Variants in GRB14 observed in about 807,000 individuals in gnomAD.
The protein encoded by GRB14 is growth factor receptor-bound protein 14.
In GRB14, 38 loss-of-function variants were observed where a neutral mutation model predicts 69.1. The ratio of observed to expected loss-of-function variants is 0.55; its 90% CI spans 0.42 to 0.72. The LOEUF (loss-of-function observed/expected upper bound fraction) is 0.72, where lower values mean the gene tolerates loss of function less well. Among genes scored for constraint, GRB14 ranks in the 30% least tolerant of loss-of-function variants. The pLI is 0.00. For synonymous variants in GRB14, 247 were observed against 241.3 expected (o/e 1.02, Z -0.22); for missense variants, 666 against 666.1 (o/e 1.00, Z 0.00).
intron 2 of GRB14, among the ~76,000 whole-genome samples, chr2:164,579,739 C>A (rs1689349732): frequency 6.6e-6 from 1 of 151,958 alleles, no homozygotes; most frequent in Non-Finnish European, 1.5e-5. Context: ...AAGAAAATGA[C>A]CTTATTGGAG....
At chr2:164,513,807 T>A (rs1358912270) in intron 6 of GRB14, among the ~76,000 whole-genome samples, 1 of 152,210 alleles carries the variant, frequency 6.6e-6, no homozygotes, top group Non-Finnish European at 1.5e-5. Context: ...AGCAACAGTG[T>A]TGTCATTGAC....
chr2:164,612,354 A>AT (rs1690188156), intron 2 of GRB14, among the ~76,000 whole-genome samples: 2 of 152,202 alleles, frequency 1.3e-5, no homozygotes, highest in Admixed American at 6.5e-5. Context: ...ATTTGTGTTT[A>AT]TTTTTTCTGT....
chr2:164,573,425 C>G (rs1689166162), intron 2 of GRB14, among the ~76,000 whole-genome samples: 1 of 152,166 alleles, frequency 6.6e-6, no homozygotes, highest in Non-Finnish European at 1.5e-5. Flanking sequence ...TGTAGATATT[C>G]TTTCACTATC....
intron 3 of GRB14, among the ~76,000 whole-genome samples, chr2:164,539,303 C>T (rs1206362548): frequency 6.6e-6 from 1 of 151,926 alleles, no homozygotes; most frequent in Admixed American, 6.6e-5. Flanking sequence ...AGTGAAACCC[C>T]ATCTCTACTA....
chr2:164,522,952 C>T (rs1186528846), intron 5 of GRB14, among the ~76,000 whole-genome samples: 2 of 151,988 alleles, frequency 1.3e-5, no homozygotes, highest in African/African-American at 4.8e-5. Context: ...CCCTTGGAAT[C>T]CAGCTGTCAC....
intron 7 of GRB14, 74 bp downstream of exon 7, chr2:164,508,668 A>T: frequency 6.9e-7 from 1 of 1,441,724 alleles, no homozygotes; most frequent in South Asian, 1.2e-5. Flanking sequence ...TTTCAAAAGC[A>T]ATTAAAGGAA....
At chr2:164,560,664 G>T (rs190374455) in intron 2 of GRB14, among the ~76,000 whole-genome samples, 2 of 152,002 alleles carry the variant, frequency 1.3e-5, no homozygotes, top group East Asian at 1.9e-4. Context: ...TGGAGTTTTC[G>T]CTGGGATTTC....
At chr2:164,530,285 C>G (rs115674954) in intron 3 of GRB14, among the ~76,000 whole-genome samples, 216 of 152,138 alleles carry the variant, frequency 1.4e-3, no homozygotes, top group Admixed American at 3.7e-3. Context: ...GAACAACCAG[C>G]TTTTGTGTGA....
intron 1 of GRB14, among the ~76,000 whole-genome samples, chr2:164,620,493 G>C (rs1487384659): frequency 6.9e-6 from 1 of 144,804 alleles, no homozygotes; most frequent in Non-Finnish European, 1.5e-5. Flanking sequence ...TAACTTCACT[G>C]AAGTTGGAGC....
intron 2 of GRB14, among the ~76,000 whole-genome samples, chr2:164,619,016 G>C (rs1690376792): frequency 6.6e-6 from 1 of 152,132 alleles, no homozygotes; most frequent in African/African-American, 2.4e-5. Context: ...CAAATGTACA[G>C]CCATGATGTA....
chr2:164,505,534 T>C (rs1420076400), intron 8 of GRB14, among the ~76,000 whole-genome samples: 1 of 152,138 alleles, frequency 6.6e-6, no homozygotes, highest in Non-Finnish European at 1.5e-5. Flanking sequence ...AAAATACAGG[T>C]ATCTGTGACT....
At chr2:164,521,104 G>C (rs572223306) in intron 6 of GRB14, among the ~76,000 whole-genome samples, 4 of 152,016 alleles carry the variant, frequency 2.6e-5, no homozygotes, top group Admixed American at 2.6e-4. Flanking sequence ...TGGAACCAGC[G>C]CAAATCCCCA....
intron 5 of GRB14, among the ~76,000 whole-genome samples, chr2:164,524,520 A>G (rs912906986): frequency 6.6e-6 from 1 of 152,268 alleles, no homozygotes; most frequent in Non-Finnish European, 1.5e-5. Context: ...AAGGATTTCC[A>G]TAACAGCTAT....
chr2:164,580,030 ACTT>A (rs1240994975), intron 2 of GRB14, among the ~76,000 whole-genome samples: 2 of 152,038 alleles, frequency 1.3e-5, no homozygotes, highest in African/African-American at 4.8e-5. Flanking sequence ...ATCTGGAAAA[ACTT>A]CTTAAGAATT....
rs77680111 is a variant in GRB14, at chr2:164,535,311, G to A, written c.482-8176C>T. Among the ~76,000 whole-genome samples the A allele has an allele frequency of 7.2e-4, 110 of 152,114 alleles. 1 individual carries two copies. Among genetic ancestry groups the A allele is most frequent in the Non-Finnish European group, 1.4e-3 (92 of 67,984 alleles). ...AAAAAAAGAAAAAGAAAAGAAAAAA[G>A]AAGAAGAAAGCAAGAAGTTTCTTCT... On this transcript the variant is annotated intron_variant, in intron 3 of 13. Coordinates refer to ENST00000263915, the MANE Select transcript of GRB14 (RefSeq NM_004490.3).
intron 2 of GRB14, chr2:164,568,449 C>T (rs566108710): frequency 8.2e-7 from 1 of 1,226,216 alleles, no homozygotes; most frequent in African/African-American, 1.6e-5. Flanking sequence ...ATGGTTACTC[C>T]TTGGGAATCT....
intron 3 of GRB14, among the ~76,000 whole-genome samples, chr2:164,538,274 ATTGTGTTAATTGCC>A (rs1423988905): frequency 6.6e-6 from 1 of 152,166 alleles, no homozygotes; most frequent in Non-Finnish European, 1.5e-5. Context: ...CGCTTGAGGT[ATTGTGTTAATTGCC>A]ACTGCTTCAT....
intron 2 of GRB14, among the ~76,000 whole-genome samples, chr2:164,570,269 TC>T (rs1689095120): frequency 9.9e-6 from 1 of 101,002 alleles, no homozygotes; most frequent in African/African-American, 4.4e-5. Context: ...AGAGCAAGAC[TC>T]CATCTAAAAA....
intron 5 of GRB14, 92 bp from the exon 6 acceptor site, chr2:164,522,209 G>A (rs920861294): frequency 2.7e-6 from 2 of 742,170 alleles, no homozygotes; most frequent in African/African-American, 3.6e-5. Flanking sequence ...ATATAAACAT[G>A]TAAAAATCAC....
Sources: allele counts gnomAD v4.1 joint callset (sites outside exome capture counted in the v4.1 genomes callset), GRCh38; gene constraint gnomAD v4.1.1; transcripts MANE v1.5; gene names NCBI Gene and HGNC (gene_info 2026-07-23, HGNC 2026-07-21).